The following KCNG4 variants were observed in gnomAD, a reference collection of about 807,000 sequenced individuals.
KCNG4 encodes potassium voltage-gated channel modifier subfamily G member 4.
In KCNG4, 30 loss-of-function variants were observed where a neutral mutation model predicts 28.2. The observed-to-expected ratio is 1.06, with a 90% CI of 0.80 to 1.44. The LOEUF (loss-of-function observed/expected upper bound fraction) is 1.44, where lower values mean the gene tolerates loss of function less well. Among genes scored for constraint, KCNG4 ranks in the 40% most tolerant of loss-of-function variants. KCNG4 has a pLI of 0.00. For synonymous variants in KCNG4, 375 were observed against 315.5 expected (o/e 1.19, Z -2.00); for missense variants, 879 against 712.3 (o/e 1.23, Z -2.66).
At position 84,237,463 on chromosome 16, in the gene KCNG4, C is replaced by G. The variant is rs747578165; in HGVS notation, c.23G>C (p.Gly8Ala). 21 of 1,498,894 alleles carry G rather than the reference C, an allele frequency of 1.4e-5. No homozygotes were observed. Among genetic ancestry groups the G allele is most frequent in the Non-Finnish European group, 1.6e-5 (18 of 1,124,424 alleles). 92.8% of individuals were successfully genotyped at this position (1,498,894 alleles called of 1,614,324 possible). A position where few individuals can be genotyped will look rare whatever the true frequency, so the allele number is the denominator to read the frequency against. MPMPSRDGGLHPRHHHYG... is the reference protein window; with the variant it reads MPMPSRDAGLHPRHHHYG... ...GTGGTGGTGTCTGGGATGCAGGCCC[C>G]CGTCTCTGGAAGGCATGGGCATTGC... Residue 8 changes from glycine (G) to alanine (A), a missense_variant, in exon 2 of 3, where the codon GGG becomes GCG. By Grantham distance (60) the Gly-to-Ala change is moderately conservative. Coordinates refer to ENST00000308251, the MANE Select transcript of KCNG4 (RefSeq NM_172347.3).
intron 2 of KCNG4, among the ~76,000 whole-genome samples, chr16:84,232,245 G>C (rs1473104569): frequency 6.6e-6 from 1 of 152,128 alleles, no homozygotes; most frequent in Non-Finnish European, 1.5e-5. Context: ...ATAGTATTCG[G>C]CCATGAAGAG....
At chr16:84,231,394 A>T (rs112989496) in intron 2 of KCNG4, among the ~76,000 whole-genome samples, 10 of 152,266 alleles carry the variant, frequency 6.6e-5, no homozygotes, top group African/African-American at 2.4e-4. Context: ...AGGAAGAAAG[A>T]CAGTCCACTG....
rs1905003329 is a variant in KCNG4, at chr16:84,237,493, G to A, written c.-8C>T. The A allele has an allele frequency of 1.3e-6, 2 of 1,486,104 alleles. No individual in the cohort carries two copies. The highest frequency in any genetic ancestry group is 8.9e-7 in the Non-Finnish European group (1 of 1,118,910). The allele number at this position is 1,486,104 out of a possible 1,614,324, so 92.1% of individuals were successfully genotyped here. On this transcript the variant is annotated 5_prime_UTR_variant, in exon 2 of 3. Coordinates refer to ENST00000308251, the MANE Select transcript of KCNG4 (RefSeq NM_172347.3). ...TCTGGAAGGCATGGGCATTGCTGAA[G>A]ACCACCAGGTAGGAAGCGCTGGGTT...
chr16:84,237,556 A>G, intron 1 of KCNG4, 31 bp from the exon 2 acceptor site: 5 of 1,394,326 alleles, frequency 3.6e-6, no homozygotes, highest in Non-Finnish European at 4.7e-6. Context: ...AGCAAGCAAA[A>G]GGAAGGGAAA....
In KCNG4 at chr16:84,222,855, C is replaced by A. The variant is rs139771972; in HGVS notation, c.922G>T (p.Val308Leu). The A allele has an allele frequency of 2.0e-5, 33 of 1,611,278 alleles. No homozygotes were observed. The highest frequency in any genetic ancestry group is 3.4e-6 in the Non-Finnish European group (4 of 1,178,048). ...IDILAISPYY[V>L]SLAVSEEPPE... ...GGCTCCTCAGACACCGCCAGCGACA[C>A]GTAGTATGGGGAGATGGCCAGGATG... Residue 308 changes from valine to leucine, a missense_variant, in exon 3 of 3, where the codon GTG (valine) becomes TTG (leucine). Transcript: ENST00000308251.
chr16:84,235,635 A>C (rs1236669055), intron 2 of KCNG4: 3 of 152,124 alleles, frequency 2.0e-5, no homozygotes, highest in Non-Finnish European at 4.4e-5. Context: ...AGTCTTTTCT[A>C]TCTGGCAAGT....
chr16:84,222,607 G>A lies in KCNG4; in HGVS notation c.1170C>T (p.Tyr390=), dbSNP rs751055675. The A allele has an allele frequency of 2.3e-5, 37 of 1,613,220 alleles. No individual in the cohort carries two copies. In the Admixed American group the frequency reaches 2.3e-4, roughly 10 times the overall value. Residue 390 remains tyrosine, a synonymous_variant, in exon 3 of 3, where the codon TAC becomes TAT. Coordinates refer to ENST00000308251, the MANE Select transcript of KCNG4 (RefSeq NM_172347.3). ...CCCGCCCGGACTCCTTCTCGGCCAC[G>A]TAGACCAAAGGGGAGAAGAGGGTGA... ...VAITLFSPLV[Y]VAEKESGRVL...
At chr16:84,229,881 TAGAGCA>T (rs1172013242) in intron 2 of KCNG4, among the ~76,000 whole-genome samples, 1 of 152,216 alleles carries the variant, frequency 6.6e-6, no homozygotes, top group Non-Finnish European at 1.5e-5. Flanking sequence ...AAGCATTCGC[TAGAGCA>T]ATTACCAAAT....
rs1417972115 is a variant in KCNG4, at chr16:84,220,598, G to C, written c.*1619C>G. On this transcript the variant is annotated 3_prime_UTR_variant, in exon 3 of 3. Transcript: ENST00000308251. ...TCTCATACGTACACGATATCAGATT[G>C]GCAGGGCCGAAACCACTTCACTGTC... 6.6e-6 allele frequency: 1 copy of C among 152,266 alleles called. No homozygotes were observed. Among genetic ancestry groups the C allele is most frequent in the Non-Finnish European group, 1.5e-5 (1 of 68,064 alleles). 9.4% of individuals were successfully genotyped at this position (152,266 alleles called of 1,614,324 possible). A position where few individuals can be genotyped will look rare whatever the true frequency, so the allele number is the denominator to read the frequency against.
intron 2 of KCNG4, 117 bp downstream of exon 2, chr16:84,236,613 T>C: frequency 2.9e-6 from 3 of 1,044,746 alleles, no homozygotes; most frequent in Non-Finnish European, 4.0e-6. Context: ...TGTTGGATAA[T>C]ATTCATTTTT....
Position 84,220,210 on chromosome 16 carries a change from C to G in KCNG4, c.*2007G>C, listed in dbSNP as rs1056616134. 1.3e-5 allele frequency: 2 copies of G among 152,200 alleles called. No homozygotes were observed. The highest frequency in any genetic ancestry group is 4.8e-5 in the African/African-American group (2 of 41,440). The allele number at this position is 152,200 out of a possible 1,614,324, so 9.4% of individuals were successfully genotyped here. On this transcript the variant is annotated 3_prime_UTR_variant, in exon 3 of 3. Coordinates refer to ENST00000308251, the MANE Select transcript of KCNG4 (RefSeq NM_172347.3). ...TCACTTTGTGGAGTGGAGTGGCCAT[C>G]CAGGCTGGGGATTTTATAGGGTGAA... is the stretch of plus-strand genomic sequence containing the variant.
At chr16:84,225,749 C>T (rs1486222344) in intron 2 of KCNG4, among the ~76,000 whole-genome samples, 2 of 152,382 alleles carry the variant, frequency 1.3e-5, no homozygotes, top group African/African-American at 4.8e-5. Context: ...GACACTCAAG[C>T]CATGCACACC....
rs765133146 is a variant in KCNG4 at position 84,236,943 on chromosome 16, C to T, written c.543G>A (p.Glu181=). 1 of 1,613,570 alleles carries T rather than the reference C, an allele frequency of 6.2e-7. No individual in the cohort carries two copies. Among genetic ancestry groups the T allele is most frequent in the African/African-American group, 1.3e-5 (1 of 74,918 alleles). ...TCTCCCTCTGCTGCCTCAGTACGTC[C>T]TCCCTGTGCAGCTTGGCCAGCTCCT... ...ELEELAKLHR[E]DVLRQQRETR... Residue 181 remains glutamate, a synonymous_variant, in exon 2 of 3, where the codon GAG becomes GAA. Transcript: ENST00000308251.
At chr16:84,228,950 C>G (rs969855099) in intron 2 of KCNG4, among the ~76,000 whole-genome samples, 1 of 152,212 alleles carries the variant, frequency 6.6e-6, no homozygotes, top group Non-Finnish European at 1.5e-5. Flanking sequence ...TCACCTTGGG[C>G]GGGTTGGATG....
Position 84,222,577 on chromosome 16 carries a change from C to T in KCNG4, c.1200G>A (p.Leu400=), listed in dbSNP as rs1442301975. 1 of 1,613,196 alleles carries T rather than the reference C, an allele frequency of 6.2e-7. No individual in the cohort carries two copies. Among genetic ancestry groups the T allele is most frequent in the East Asian group, 2.2e-5 (1 of 44,884 alleles). The change falls in exon 3 of 3, where the codon CTG becomes CTA. Residue 400 remains leucine (L), a synonymous_variant. Transcript: ENST00000308251. The part of the protein sequence containing the change: ...YVAEKESGRV[L]EFTSIPASYW... ...AGGAGGCGGGGATGCTGGTGAACTC[C>T]AGCACCCGCCCGGACTCCTTCTCGG...
At chr16:84,230,094 G>A (rs570913938) in intron 2 of KCNG4, among the ~76,000 whole-genome samples, 14 of 152,154 alleles carry the variant, frequency 9.2e-5, no homozygotes, top group South Asian at 2.1e-4. Flanking sequence ...CAAGAGTCCC[G>A]CCTGGTCTTT....
At chr16:84,228,768 A>G (rs1215789643) in intron 2 of KCNG4, among the ~76,000 whole-genome samples, 2 of 152,214 alleles carry the variant, frequency 1.3e-5, no homozygotes, top group African/African-American at 4.8e-5. Flanking sequence ...GAAGTGGGGA[A>G]GGTAACTGTC....
chr16:84,239,747 G>A lies in KCNG4; in HGVS notation c.-118C>T, dbSNP rs1490645554. ...GCCCATCTCTTGGTGCCCAGGGAAG[G>A]GACAGGTTTCTGGTGGAGATGAAGG... On this transcript the variant is annotated 5_prime_UTR_variant, in exon 1 of 3. Transcript: ENST00000308251. 3 of 150,560 alleles carry A rather than the reference G, an allele frequency of 2.0e-5. No individual in the cohort carries two copies. The highest frequency in any genetic ancestry group is 4.4e-5 in the Non-Finnish European group (3 of 67,696). The allele number at this position is 150,560 out of a possible 1,614,324, so 9.3% of individuals were successfully genotyped here.
rs781232144 is a variant in KCNG4, at chr16:84,222,223, G to A, written c.1554C>T (p.His518=). The A allele has an allele frequency of 1.9e-6, 3 of 1,613,940 alleles. No homozygotes were observed. The highest frequency in any genetic ancestry group is 1.7e-5 in the Admixed American group (1 of 59,980). Residue 518 remains histidine, a synonymous_variant, in exon 3 of 3, where the codon CAC becomes CAT. Coordinates refer to ENST00000308251, the MANE Select transcript of KCNG4 (RefSeq NM_172347.3). ...AGTCATGGGGGGTGCTGAGTTACAT[G>A]TGCATGATAGGCAAGGCTGGGCCCT... ...ILEGPALPIM[H]M
Sources: allele counts gnomAD v4.1 joint callset (sites outside exome capture counted in the v4.1 genomes callset), GRCh38; gene constraint gnomAD v4.1.1; transcripts MANE v1.5; gene names NCBI Gene and HGNC (gene_info 2026-07-23, HGNC 2026-07-21).